Variants in LAMC2 observed in about 807,000 individuals in gnomAD.
LAMC2 encodes laminin subunit gamma 2, also known as laminin subunit gamma-2.
Under a neutral mutation model 140.2 loss-of-function variants are expected in LAMC2, and 97 were observed. That is an observed-to-expected ratio of 0.69 (90% CI 0.59 to 0.82). The LOEUF is 0.82. LAMC2 is among the 40% of genes least tolerant of loss of function. LAMC2 has a pLI of 0.00. For missense variants in LAMC2, 1,402 were observed against 1,476.1 expected, an observed-to-expected ratio of 0.95 and a Z score of 0.82; for synonymous variants, 513 against 540.2, an observed-to-expected ratio of 0.95 and a Z score of 0.70.
At chr1:183,211,349 T>C (rs556306075) in intron 2 of LAMC2, among the ~76,000 whole-genome samples, 11 of 152,240 alleles carry the variant, frequency 7.2e-5, no homozygotes, top group Non-Finnish European at 1.5e-4. Context: ...TAATTTTATA[T>C]TTTTTTACAT....
intron 1 of LAMC2, among the ~76,000 whole-genome samples, chr1:183,194,250 GAAAA>G (rs112301239): frequency 5.0e-4 from 66 of 132,776 alleles, no homozygotes; most frequent in African/African-American, 1.6e-3. Context: ...TCTTTTTTCT[GAAAA>G]AAAAAAAAAA....
At chr1:183,190,359 T>C (rs1571496467) in intron 1 of LAMC2, among the ~76,000 whole-genome samples, 1 of 152,154 alleles carries the variant, frequency 6.6e-6, no homozygotes, top group Non-Finnish European at 1.5e-5. Flanking sequence ...TACTCTCCTT[T>C]CGTCAGCCCA....
At chr1:183,216,750 C>T (rs1230867915) in intron 3 of LAMC2, among the ~76,000 whole-genome samples, 1 of 152,154 alleles carries the variant, frequency 6.6e-6, no homozygotes, top group Non-Finnish European at 1.5e-5. Flanking sequence ...GTCCATTTCT[C>T]CCACTAAAAT....
At chr1:183,217,491 C>A (rs1421645730) in intron 3 of LAMC2, among the ~76,000 whole-genome samples, 1 of 152,156 alleles carries the variant, frequency 6.6e-6, no homozygotes, top group African/African-American at 2.4e-5. Context: ...ACATTCACAG[C>A]AACATTACTC....
chr1:183,213,565 G>T (rs1315907583), intron 2 of LAMC2, among the ~76,000 whole-genome samples: 4 of 152,078 alleles, frequency 2.6e-5, no homozygotes, highest in Admixed American at 6.5e-5. Context: ...ACTTTGGGAG[G>T]CTGAGGCTGG....
At chr1:183,255,249 C>T in the LAMC2 span, among the ~76,000 whole-genome samples, 1 of 152,164 alleles carries the variant, frequency 6.6e-6, no homozygotes, top group Non-Finnish European at 1.5e-5. Flanking sequence ...TATTTCTGGG[C>T]TCACTATTCG....
In LAMC2 at chr1:183,235,708, G is replaced by A. The variant is rs1375556810; in HGVS notation, c.2434G>A (p.Val812Met). The change falls in exon 16 of 23, where the codon GTG (valine) becomes ATG (methionine). Residue 812 changes from valine (V) to methionine (M), a missense_variant. Coordinates refer to ENST00000264144, the MANE Select transcript of LAMC2 (RefSeq NM_005562.3). Reference sequence around the variant, plus strand: ...CGGAAGCGGTAGCCCGGACGGTGCTGTGGTGCAAGGGCTTGTGGAAAAGTA... The same window carrying A: ...CGGAAGCGGTAGCCCGGACGGTGCTATGGTGCAAGGGCTTGTGGAAAAGTA... ...GSGSGSPDGA[V>M]VQGLVEKLEK... The A allele has an allele frequency of 6.2e-7, 1 of 1,614,214 alleles. No individual in the cohort carries two copies. The highest frequency in any genetic ancestry group is 1.3e-5 in the African/African-American group (1 of 75,066).
At chr1:183,242,198 G>A (rs1660150621) in intron 22 of LAMC2, among the ~76,000 whole-genome samples, 1 of 152,144 alleles carries the variant, frequency 6.6e-6, no homozygotes, top group African/African-American at 2.4e-5. Context: ...TTGTTCCCAA[G>A]CTTACTTAAC....
At chr1:183,230,070 T>A (rs1259081930) in intron 11 of LAMC2, among the ~76,000 whole-genome samples, 1 of 152,230 alleles carries the variant, frequency 6.6e-6, no homozygotes, top group Non-Finnish European at 1.5e-5. Flanking sequence ...ACACTATAAT[T>A]CTAGTTATAT....
chr1:183,198,747 C>A (rs1052124178), intron 1 of LAMC2, among the ~76,000 whole-genome samples: 1 of 152,212 alleles, frequency 6.6e-6, no homozygotes, highest in Non-Finnish European at 1.5e-5. Flanking sequence ...TGCCCTCCTC[C>A]CACACAGCCC....
chr1:183,247,327 C>T (rs1403951202), downstream of LAMC2, among the ~76,000 whole-genome samples: 1 of 151,788 alleles, frequency 6.6e-6, no homozygotes, highest in African/African-American at 2.4e-5. Context: ...CAAAACAAAA[C>T]AAAAACAAAA....
chr1:183,237,310 G>T, intron 17 of LAMC2, 42 bp from the exon 18 acceptor site: 1 of 1,611,936 alleles, frequency 6.2e-7, no homozygotes, highest in Non-Finnish European at 8.5e-7. Context: ...TGTGGTAACT[G>T]GTAAGCAGAA....
At chr1:183,222,983 T>A in intron 6 of LAMC2, 152 bp from the exon 7 acceptor site, 1 of 689,326 alleles carries the variant, frequency 1.5e-6, no homozygotes, top group Non-Finnish European at 2.6e-6. Flanking sequence ...CATAGCCATG[T>A]CCAGTACCAG....
Position 183,227,566 on chromosome 1 carries a change from C to T in LAMC2, c.1337C>T (p.Pro446Leu). The part of the protein sequence containing the change: ...ENPDIECADC[P>L]IGFYNDPHDP... ...CCTGACATTGAGTGTGCTGACTGCCCAATTGGTTTCTACAACGATCCGCAC... is the reference window on the plus strand; with the variant it reads ...CCTGACATTGAGTGTGCTGACTGCCTAATTGGTTTCTACAACGATCCGCAC... Residue 446 changes from proline (P) to leucine (L), a missense_variant, in exon 10 of 23, where the codon CCA becomes CTA. By Grantham distance (98) the Pro-to-Leu change is moderately conservative. Coordinates refer to ENST00000264144, the MANE Select transcript of LAMC2 (RefSeq NM_005562.3). The T allele has an allele frequency of 6.2e-7, 1 of 1,614,082 alleles. No individual in the cohort carries two copies. Among genetic ancestry groups the T allele is most frequent in the Non-Finnish European group, 8.5e-7 (1 of 1,180,024 alleles).
intron 1 of LAMC2, among the ~76,000 whole-genome samples, chr1:183,203,965 C>A (rs1006365211): frequency 1.3e-5 from 2 of 152,120 alleles, no homozygotes; most frequent in African/African-American, 4.8e-5. Context: ...TCCCTGGAAC[C>A]GTAATGCAAC....
At position 183,232,659 on chromosome 1, in the gene LAMC2, C is replaced by T. The variant is rs2102239931; in HGVS notation, c.2022C>T (p.Ser674=). The change falls in exon 14 of 23, where the codon AGC becomes AGT. Residue 674 remains serine, a synonymous_variant. Transcript: ENST00000264144. ...LRDAQISEGA[S]RSLGLQLAKV... Reference sequence around the variant, plus strand: ...TTCCTTCTTTGCGTTCAGGTGCTAGCAGATCCCTTGGTCTCCAGTTGGCCA... The same window carrying T: ...TTCCTTCTTTGCGTTCAGGTGCTAGTAGATCCCTTGGTCTCCAGTTGGCCA... 6.2e-7 allele frequency: 1 copy of T among 1,612,770 alleles called. No homozygotes were observed. The highest frequency in any genetic ancestry group is 8.5e-7 in the Non-Finnish European group (1 of 1,179,756).
At chr1:183,235,426 C>A in intron 15 of LAMC2, 149 bp from the exon 16 acceptor site, 1 of 814,930 alleles carries the variant, frequency 1.2e-6, no homozygotes, top group Non-Finnish European at 2.0e-6. Flanking sequence ...TTCTTGACAG[C>A]ACCTCTAATT....
intron 1 of LAMC2, among the ~76,000 whole-genome samples, chr1:183,188,034 A>G (rs1322352060): frequency 3.3e-5 from 5 of 152,242 alleles, no homozygotes; most frequent in South Asian, 2.1e-4. Context: ...ATAGGATGCT[A>G]TCAATGCTAT....
chr1:183,193,995 G>A (rs573281410), intron 1 of LAMC2, among the ~76,000 whole-genome samples: 1 of 152,150 alleles, frequency 6.6e-6, no homozygotes, highest in Non-Finnish European at 1.5e-5. Flanking sequence ...GGAGTGCAGT[G>A]GTGCAATCTT....
Sources: gnomAD v4.1 joint callset for allele counts (sites outside exome capture counted in the v4.1 genomes callset) on GRCh38, gnomAD v4.1.1 for gene constraint, MANE v1.5 for transcripts, NCBI Gene and HGNC (gene_info 2026-07-23, HGNC 2026-07-21) for gene names.